Variants in XRCC5 observed in about 807,000 individuals in gnomAD.
The protein encoded by XRCC5 is X-ray repair cross complementing 5, also known as DNA repair protein Ku80.
Under a neutral mutation model 95.7 loss-of-function variants are expected in XRCC5, and 12 were observed. The observed-to-expected ratio is 0.13, with a 90% CI of 0.08 to 0.20. XRCC5 has a LOEUF of 0.20. Among genes scored for constraint, XRCC5 ranks in the 10% least tolerant of loss-of-function variants. XRCC5 has a pLI of 1.00. For missense variants in XRCC5, 595 were observed against 873.9 expected (o/e 0.68, Z 4.02); for synonymous variants, 281 against 290.3 (o/e 0.97, Z 0.33).
At position 216,137,195 on chromosome 2, in the gene XRCC5, G is replaced by A. The variant is rs2106012612; in HGVS notation, c.1221G>A (p.Val407=). ...YDKRANPQVG[V]AFPHIKHNYE... ...AAAGAGCTAATCCTCAAGTCGGCGTGGCTTTTCCTCATATCAAGCATAACT... is the reference window on the plus strand; with the variant it reads ...AAAGAGCTAATCCTCAAGTCGGCGTAGCTTTTCCTCATATCAAGCATAACT... The change falls in exon 11 of 21, where the codon GTG becomes GTA. Residue 407 remains valine, a synonymous_variant. Transcript: ENST00000392132. The A allele has an allele frequency of 1.2e-6, 2 of 1,613,032 alleles. No individual in the cohort carries two copies. The highest frequency in any genetic ancestry group is 1.7e-6 in the Non-Finnish European group (2 of 1,179,414).
chr2:216,119,240 G>A lies in XRCC5; in HGVS notation c.491+75G>A. ...ATAGTGAATGGGCCCTCTGTATAGA[G>A]TACTTGGTTTATGGGAATTTTCGCT... On this transcript the variant is annotated intron_variant, in intron 5 of 20. Coordinates refer to ENST00000392132, the MANE Select transcript of XRCC5 (RefSeq NM_021141.4). 1.0e-5 allele frequency: 16 copies of A among 1,527,548 alleles called. No homozygotes were observed. In the South Asian group the frequency reaches 1.4e-4, roughly 14 times the overall value. 94.6% of individuals were successfully genotyped at this position (1,527,548 alleles called of 1,614,324 possible).
intron 19 of XRCC5, among the ~76,000 whole-genome samples, chr2:216,201,114 G>A (rs1460317192): frequency 6.6e-5 from 10 of 152,172 alleles, no homozygotes; most frequent in African/African-American, 2.2e-4. Context: ...GGTGGCTTGC[G>A]TAAGGTTCCT....
chr2:216,137,928 C>T (rs1697113801), intron 11 of XRCC5, among the ~76,000 whole-genome samples, 161 bp from the exon 12 acceptor site: 1 of 152,180 alleles, frequency 6.6e-6, no homozygotes, highest in Non-Finnish European at 1.5e-5. Flanking sequence ...TGTGAACAGC[C>T]AGTAGCAGAA....
chr2:216,203,436 T>TA (rs1325365681), intron 19 of XRCC5, among the ~76,000 whole-genome samples: 1 of 152,196 alleles, frequency 6.6e-6, no homozygotes, highest in African/African-American at 2.4e-5. Flanking sequence ...ACCCAGCTCT[T>TA]AGAGGCAGCT....
At chr2:216,151,752 T>C (rs1301070894) in intron 14 of XRCC5, among the ~76,000 whole-genome samples, 2 of 152,178 alleles carry the variant, frequency 1.3e-5, no homozygotes, top group African/African-American at 4.8e-5. Context: ...ATTTTAAAAA[T>C]CCTAGTAATA....
intron 16 of XRCC5, among the ~76,000 whole-genome samples, chr2:216,178,205 A>G (rs780532129): frequency 6.6e-6 from 1 of 152,222 alleles, no homozygotes; most frequent in African/African-American, 2.4e-5. Flanking sequence ...TTGTATGACA[A>G]TCTCTTAACT....
chr2:216,137,314 C>G, intron 11 of XRCC5, 89 bp downstream of exon 11: 1 of 1,396,758 alleles, frequency 7.2e-7, no homozygotes, highest in Non-Finnish European at 9.5e-7. Context: ...ATGACAATTA[C>G]TTGGGGATCT....
At chr2:216,126,991 C>T (rs1696909703) in intron 7 of XRCC5, among the ~76,000 whole-genome samples, 1 of 151,886 alleles carries the variant, frequency 6.6e-6, no homozygotes. Flanking sequence ...GTGACTCATG[C>T]CTGTAATTCC....
intron 13 of XRCC5, among the ~76,000 whole-genome samples, chr2:216,145,532 G>C (rs544330554): frequency 1.7e-4 from 26 of 152,296 alleles, no homozygotes; most frequent in African/African-American, 5.8e-4. Flanking sequence ...ATAAATAGGT[G>C]ATCTCAGCTT....
chr2:216,171,527 C>T (rs1030380999), intron 16 of XRCC5, among the ~76,000 whole-genome samples: 4 of 151,950 alleles, frequency 2.6e-5, no homozygotes, highest in African/African-American at 4.8e-5. Flanking sequence ...ATTAAAGGCC[C>T]GTTTTTATTT....
intron 15 of XRCC5, among the ~76,000 whole-genome samples, chr2:216,161,216 G>A (rs1688945931): frequency 1.3e-5 from 2 of 152,128 alleles, no homozygotes; most frequent in African/African-American, 4.8e-5. Context: ...TCATGATCTT[G>A]TTCTGAGAGC....
In XRCC5 at chr2:216,133,511, T is replaced by C. The variant is rs943547895; in HGVS notation, c.1113+1124T>C. Among the ~76,000 whole-genome samples the C allele has an allele frequency of 6.5e-4, 99 of 152,234 alleles. 1 individual carries two copies. Among genetic ancestry groups the C allele is most frequent in the Non-Finnish European group, 1.3e-4 (9 of 68,044 alleles). ...TTTTAACTTCCACTTACTGTCTCTTTATGCAAAGAACATTCTGATCACTTC... is the reference window on the plus strand; with the variant it reads ...TTTTAACTTCCACTTACTGTCTCTTCATGCAAAGAACATTCTGATCACTTC... On this transcript the variant is annotated intron_variant, in intron 10 of 20. Transcript: ENST00000392132.
chr2:216,117,017 CAG>C, intron 3 of XRCC5, 175 bp downstream of exon 3: 1 of 687,558 alleles, frequency 1.5e-6, no homozygotes, highest in Non-Finnish European at 2.4e-6. Flanking sequence ...CAGTTTAAAA[CAG>C]TGCCTGGGCT....
chr2:216,176,416 G>A (rs141420245), intron 16 of XRCC5, among the ~76,000 whole-genome samples: 1 of 152,276 alleles, frequency 6.6e-6, no homozygotes. Context: ...ACTGCACCGG[G>A]CCCAATTTTT....
At chr2:216,153,889 C>T (rs1009748804) in intron 14 of XRCC5, among the ~76,000 whole-genome samples, 3 of 152,206 alleles carry the variant, frequency 2.0e-5, no homozygotes, top group African/African-American at 7.2e-5. Context: ...TGCCTGTAGG[C>T]CCCTCCAGTT....
At chr2:216,116,565 G>A (rs190855618) in intron 2 of XRCC5, 94 bp from the exon 3 acceptor site, 9 of 1,422,898 alleles carry the variant, frequency 6.3e-6, no homozygotes, top group Middle Eastern at 2.1e-4. Context: ...CCTGCCATAG[G>A]GAGGTCTGGT....
chr2:216,161,919 C>A, intron 15 of XRCC5, 60 bp from the exon 16 acceptor site: 2 of 1,432,492 alleles, frequency 1.4e-6, no homozygotes, highest in South Asian at 1.1e-5. Flanking sequence ...CTTGTATTGC[C>A]TGGGGTGCTG....
intron 16 of XRCC5, among the ~76,000 whole-genome samples, chr2:216,169,588 A>G (rs1381729307): frequency 6.6e-6 from 1 of 152,208 alleles, no homozygotes; most frequent in Non-Finnish European, 1.5e-5. Context: ...ACCTTTTGGC[A>G]GTTAGAACAT....
At chr2:216,182,735 C>T (rs948754299) in intron 16 of XRCC5, among the ~76,000 whole-genome samples, 12 of 152,100 alleles carry the variant, frequency 7.9e-5, no homozygotes, top group Admixed American at 7.9e-4. Flanking sequence ...TAAGTGTACT[C>T]CGTTGTAGAA....
Sources: allele counts gnomAD v4.1 joint callset (sites outside exome capture counted in the v4.1 genomes callset), GRCh38; gene constraint gnomAD v4.1.1; transcripts MANE v1.5; gene names NCBI Gene and HGNC (gene_info 2026-07-23, HGNC 2026-07-21).